The following VWA3B variants were observed in gnomAD, a reference collection of about 807,000 sequenced individuals.
The protein encoded by VWA3B is von Willebrand factor A domain containing 3B.
In VWA3B, 138 loss-of-function variants were observed where a neutral mutation model predicts 158.3. The observed-to-expected ratio is 0.87, with a 90% CI of 0.76 to 1.00. The LOEUF (loss-of-function observed/expected upper bound fraction) is 1.00. VWA3B is among the 50% of genes least tolerant of loss of function. The pLI is 0.00. For synonymous variants in VWA3B, 596 were observed against 587.3 expected, an observed-to-expected ratio of 1.01 and a Z score of -0.21; for missense variants, 1,555 against 1,565.1, an observed-to-expected ratio of 0.99 and a Z score of 0.11.
chr2:98,307,585 T>G (rs2106012252), intron 26 of VWA3B, among the ~76,000 whole-genome samples: 1 of 152,366 alleles, frequency 6.6e-6, no homozygotes, highest in Non-Finnish European at 1.5e-5. Context: ...ATTTCTTTAT[T>G]ACGGTTAGCA....
intron 22 of VWA3B, 46 bp downstream of exon 22, chr2:98,270,929 C>T (rs1388615157): frequency 6.3e-7 from 1 of 1,581,722 alleles, no homozygotes; most frequent in African/African-American, 1.3e-5. Flanking sequence ...TCTGCCTATC[C>T]CAAGTCATTG....
At chr2:98,295,154 C>T (rs1033855828) in intron 23 of VWA3B, among the ~76,000 whole-genome samples, 65 of 152,002 alleles carry the variant, frequency 4.3e-4, no homozygotes, top group African/African-American at 1.5e-3. Context: ...GAGGGAGAAG[C>T]GGACACGAGG....
chr2:98,151,095 T>A (rs767808096), intron 7 of VWA3B, among the ~76,000 whole-genome samples: 2 of 152,152 alleles, frequency 1.3e-5, no homozygotes, highest in Non-Finnish European at 2.9e-5. Context: ...TAACATGGAA[T>A]GGACTCTCCT....
rs1371322204 is a variant in VWA3B, at chr2:98,112,552, C to CT, written c.197-3093dup. Among the ~76,000 whole-genome samples, 6 of 151,770 alleles carry CT rather than the reference C, an allele frequency of 4.0e-5. No homozygotes were observed. In the East Asian group the frequency reaches 9.7e-4, roughly 24 times the overall value. Reference sequence around the variant, plus strand: ...CTTCCATATGATGTATATAATGTATCTTTTTTTCTATAACTGCTTTTAAGA... The same window carrying CT: ...CTTCCATATGATGTATATAATGTATCTTTTTTTTCTATAACTGCTTTTAAGA... On this transcript the variant is annotated intron_variant, in intron 2 of 27. Coordinates refer to ENST00000477737, the MANE Select transcript of VWA3B (RefSeq NM_144992.5).
At chr2:98,107,796 TG>T (rs1673792874) in intron 2 of VWA3B, among the ~76,000 whole-genome samples, 5 of 152,098 alleles carry the variant, frequency 3.3e-5, no homozygotes, top group Admixed American at 2.6e-4. Flanking sequence ...GTCAGTTTAT[TG>T]ATCTTTAAAA....
chr2:98,255,495 C>A (rs910909873), intron 20 of VWA3B, among the ~76,000 whole-genome samples: 1 of 152,022 alleles, frequency 6.6e-6, no homozygotes, highest in Non-Finnish European at 1.5e-5. Flanking sequence ...GCCAAAAGAG[C>A]AGCTATAGCT....
chr2:98,154,236 T>C (rs1677874260), intron 7 of VWA3B, among the ~76,000 whole-genome samples: 1 of 152,202 alleles, frequency 6.6e-6, no homozygotes, highest in South Asian at 2.1e-4. Flanking sequence ...CTGTGTGCTT[T>C]AGAAACTTAC....
At chr2:98,276,651 A>G (rs957064925) in intron 22 of VWA3B, among the ~76,000 whole-genome samples, 1 of 146,942 alleles carries the variant, frequency 6.8e-6, no homozygotes, top group Non-Finnish European at 1.5e-5. Flanking sequence ...GGCTGTGGCC[A>G]TTGCGTTTGG....
At chr2:98,184,581 C>CA (rs1433735703) in intron 9 of VWA3B, among the ~76,000 whole-genome samples, 1 of 152,236 alleles carries the variant, frequency 6.6e-6, no homozygotes, top group Non-Finnish European at 1.5e-5. Flanking sequence ...TCTGAACATC[C>CA]CTTTTCTGAC....
intron 7 of VWA3B, among the ~76,000 whole-genome samples, chr2:98,147,115 A>C (rs1459887987): frequency 1.1e-4 from 16 of 152,244 alleles, no homozygotes; most frequent in Admixed American, 1.0e-3. Context: ...AAGAGAATGT[A>C]ATTTGTAATA....
rs142226331 is a variant in VWA3B at position 98,179,883 on chromosome 2, CCTCT to C, written c.1115-1126_1115-1123del. On this transcript the variant is annotated intron_variant, in intron 8 of 27. Transcript: ENST00000477737. ...CTTTCTTCTCTCTCCTTCCTCCCTCCCTCTCTCTCTTTCTTTCTCTTTCTTCTCT... is the reference window on the plus strand; with the variant it reads ...CTTTCTTCTCTCTCCTTCCTCCCTCCCTCTCTTTCTTTCTCTTTCTTCTCT... Among the ~76,000 whole-genome samples the C allele has an allele frequency of 7.5e-5, 10 of 132,656 alleles. 2 individuals carry two copies. The highest frequency in any genetic ancestry group is 1.2e-4 in the African/African-American group (4 of 33,878). 87.0% of individuals were successfully genotyped at this position (132,656 alleles called of 152,430 possible).
chr2:98,144,974 C>T (rs1397346137), intron 7 of VWA3B, among the ~76,000 whole-genome samples: 3 of 152,226 alleles, frequency 2.0e-5, no homozygotes, highest in African/African-American at 7.2e-5. Flanking sequence ...AGGAGCTGTG[C>T]TCCCACATCC....
At chr2:98,233,337 G>A (rs1685461828) in intron 16 of VWA3B, among the ~76,000 whole-genome samples, 1 of 152,188 alleles carries the variant, frequency 6.6e-6, no homozygotes, top group South Asian at 2.1e-4. Context: ...TGATTCCACT[G>A]CTAGATAAAT....
At chr2:98,251,286 C>T (rs906332171) in intron 20 of VWA3B, among the ~76,000 whole-genome samples, 8 of 152,100 alleles carry the variant, frequency 5.3e-5, no homozygotes, top group Admixed American at 1.3e-4. Flanking sequence ...TTCCTTTTAG[C>T]AGAATGCATC....
intron 2 of VWA3B, among the ~76,000 whole-genome samples, chr2:98,098,967 CA>C (rs2104840276): frequency 6.6e-6 from 1 of 152,188 alleles, no homozygotes; most frequent in Non-Finnish European, 1.5e-5. Flanking sequence ...ATTTTGATCA[CA>C]AAAACCTTCT....
intron 19 of VWA3B, chr2:98,245,681 T>A: frequency 2.2e-6 from 1 of 448,510 alleles, no homozygotes; most frequent in Non-Finnish European, 4.5e-6. Flanking sequence ...TGTTATAATG[T>A]TGCTTAGTGG....
At chr2:98,315,669 A>G (rs1213001877), downstream of VWA3B, among the ~76,000 whole-genome samples, 1 of 152,212 alleles carries the variant, frequency 6.6e-6, no homozygotes, top group East Asian at 1.9e-4. Context: ...GAGCATTTCC[A>G]CATAGATGAA....
intron 16 of VWA3B, among the ~76,000 whole-genome samples, chr2:98,233,831 A>G (rs1299965243): frequency 1.3e-5 from 2 of 152,244 alleles, no homozygotes; most frequent in Non-Finnish European, 2.9e-5. Flanking sequence ...CCTTGGAACT[A>G]GGTACTTCTA....
In VWA3B at chr2:98,107,470, TA is replaced by T. The variant is rs1235459901; in HGVS notation, c.197-8179del. On this transcript the variant is annotated intron_variant, in intron 2 of 27. Transcript: ENST00000477737. ...TGTAGAATTAATATTAATTATTCTT[TA>T]AACATTTGGTAAAATTCTCCAGTGA... is the stretch of plus-strand genomic sequence containing the variant. Among the ~76,000 whole-genome samples, 13 of 152,282 alleles carry T rather than the reference TA, an allele frequency of 8.5e-5. No individual in the cohort carries two copies. The East Asian group carries it at 2.5e-3, about 29-fold the overall frequency.
Sources: gnomAD v4.1 joint callset for allele counts (sites outside exome capture counted in the v4.1 genomes callset) on GRCh38, gnomAD v4.1.1 for gene constraint, MANE v1.5 for transcripts, NCBI Gene and HGNC (gene_info 2026-07-23, HGNC 2026-07-21) for gene names.